Variants in RALGPS2 observed in about 807,000 individuals in gnomAD.
The protein encoded by RALGPS2 is ras-specific guanine nucleotide-releasing factor RalGPS2.
Under a neutral mutation model 86.8 loss-of-function variants are expected in RALGPS2, and 43 were observed. The ratio of observed to expected loss-of-function variants is 0.50; its 90% CI spans 0.39 to 0.64. The LOEUF (loss-of-function observed/expected upper bound fraction) is 0.64. Among genes scored for constraint, RALGPS2 ranks in the 30% least tolerant of loss-of-function variants. RALGPS2 has a pLI of 0.00. For synonymous variants in RALGPS2, 243 were observed against 231.3 expected (o/e 1.05, Z -0.46); for missense variants, 536 against 694.6 (o/e 0.77, Z 2.57).
intron 4 of RALGPS2, among the ~76,000 whole-genome samples, chr1:178,805,734 C>T (rs1654710753): frequency 6.6e-6 from 1 of 152,078 alleles, no homozygotes; most frequent in Non-Finnish European, 1.5e-5. Context: ...TTCTCTCCCC[C>T]CATTTATATA....
Position 178,920,542 on chromosome 1 carries a change from A to T in RALGPS2, c.*4183A>T, listed in dbSNP as rs1399421754. ...AGAAACCTCTGTAGGTGATTGTTGC[A>T]GTCTTCCTTGGTTTTTGAGTCTTTT... is the stretch of plus-strand genomic sequence containing the variant. On this transcript the variant is annotated 3_prime_UTR_variant, in exon 20 of 20. Coordinates refer to ENST00000367635, the MANE Select transcript of RALGPS2 (RefSeq NM_152663.5). 6.6e-6 allele frequency: 1 copy of T among 152,004 alleles called. No individual in the cohort carries two copies. The highest frequency in any genetic ancestry group is 1.5e-5 in the Non-Finnish European group (1 of 67,912). The allele number at this position is 152,004 out of a possible 1,614,324, so 9.4% of individuals were successfully genotyped here. A position where few individuals can be genotyped will look rare whatever the true frequency, so the allele number is the denominator to read the frequency against.
At chr1:178,754,878 C>T (rs1651872443) in intron 1 of RALGPS2, among the ~76,000 whole-genome samples, 1 of 152,256 alleles carries the variant, frequency 6.6e-6, no homozygotes. Context: ...CAGTTCACTG[C>T]AACTTCTGCC....
At chr1:178,743,171 C>T (rs1384541501) in intron 1 of RALGPS2, among the ~76,000 whole-genome samples, 1 of 152,202 alleles carries the variant, frequency 6.6e-6, no homozygotes, top group East Asian at 1.9e-4. Context: ...GATTATGCCA[C>T]TGTAGCTTGG....
intron 17 of RALGPS2, among the ~76,000 whole-genome samples, chr1:178,899,585 C>T (rs900333308): frequency 6.6e-6 from 1 of 150,896 alleles, no homozygotes; most frequent in Non-Finnish European, 1.5e-5. Context: ...ATTAAAATCA[C>T]CATTTAAACA....
At chr1:178,745,731 A>G (rs1651278268) in intron 1 of RALGPS2, among the ~76,000 whole-genome samples, 2 of 152,142 alleles carry the variant, frequency 1.3e-5, no homozygotes, top group African/African-American at 4.8e-5. Context: ...TTTAGTTACA[A>G]CACCAAAAGC....
Position 178,725,278 on chromosome 1 carries a change from CGGCG to C in RALGPS2, c.-223_-220del. ...CCCCGAGCGGCAGCGGCGGCGGCGG[CGGCG>C]GCTGCTGCGGGCGCTGAATGAGAGA... On this transcript the variant is annotated 5_prime_UTR_variant, in exon 1 of 20. Coordinates refer to ENST00000367635, the MANE Select transcript of RALGPS2 (RefSeq NM_152663.5). 2 of 176,022 alleles carry C rather than the reference CGGCG, an allele frequency of 1.1e-5. No homozygotes were observed. The highest frequency in any genetic ancestry group is 1.3e-4 in the South Asian group (1 of 7,626). The allele number at this position is 176,022 out of a possible 1,614,324, so 10.9% of individuals were successfully genotyped here. A position where few individuals can be genotyped will look rare whatever the true frequency, so the allele number is the denominator to read the frequency against.
chr1:178,855,394 G>A (rs1657465731), intron 8 of RALGPS2, among the ~76,000 whole-genome samples: 2 of 151,146 alleles, frequency 1.3e-5, no homozygotes, highest in Non-Finnish European at 3.0e-5. Context: ...TAAATACAAG[G>A]AAATTGAAAA....
At chr1:178,793,282 C>G (rs1572338419) in intron 4 of RALGPS2, among the ~76,000 whole-genome samples, 1 of 151,390 alleles carries the variant, frequency 6.6e-6, no homozygotes, top group African/African-American at 2.4e-5. Flanking sequence ...ACTGGTTGAT[C>G]TTTAAAATAC....
intron 18 of RALGPS2, among the ~76,000 whole-genome samples, chr1:178,904,386 T>C (rs1660307410): frequency 6.6e-6 from 1 of 152,230 alleles, no homozygotes; most frequent in African/African-American, 2.4e-5. Flanking sequence ...TTTGTTTTTA[T>C]TGCATTTGCT....
chr1:178,731,919 A>G (rs1650389125), intron 1 of RALGPS2, among the ~76,000 whole-genome samples: 2 of 152,088 alleles, frequency 1.3e-5, no homozygotes, highest in Admixed American at 1.3e-4. Flanking sequence ...AATCAAGCAT[A>G]AGCAGTGTGG....
intron 6 of RALGPS2, among the ~76,000 whole-genome samples, chr1:178,812,146 G>A (rs1655014825): frequency 6.6e-6 from 1 of 152,100 alleles, no homozygotes; most frequent in South Asian, 2.1e-4. Flanking sequence ...CTCAAAGCAG[G>A]GCCAAATGGT....
At chr1:178,874,643 G>A (rs530897209) in intron 8 of RALGPS2, among the ~76,000 whole-genome samples, 1 of 152,226 alleles carries the variant, frequency 6.6e-6, no homozygotes, top group East Asian at 1.9e-4. Flanking sequence ...ATCTTCTATT[G>A]CTGTTATTGA....
At chr1:178,786,504 G>T (rs757946815) in intron 4 of RALGPS2, among the ~76,000 whole-genome samples, 9 of 151,948 alleles carry the variant, frequency 5.9e-5, no homozygotes, top group Admixed American at 1.3e-4. Flanking sequence ...TCCACTATAA[G>T]CATGGGGGTG....
chr1:178,838,105 A>G (rs551313425), intron 8 of RALGPS2, among the ~76,000 whole-genome samples: 2 of 152,332 alleles, frequency 1.3e-5, no homozygotes, highest in South Asian at 2.1e-4. Flanking sequence ...TCTGCAGGGC[A>G]TAGCTGAACA....
rs763667566 is a variant in RALGPS2, at chr1:178,833,549, A to G, written c.606A>G (p.Leu202=). 28 of 1,528,076 alleles carry G rather than the reference A, an allele frequency of 1.8e-5. No individual in the cohort carries two copies. The highest frequency in any genetic ancestry group is 2.3e-5 in the Non-Finnish European group (27 of 1,149,766). 94.7% of individuals were successfully genotyped at this position (1,528,076 alleles called of 1,614,324 possible). ...AGATGACACCTTGCATTCCCTATTT[A>G]GGTGAGTTATGTCACTGTGTGTTTT... is the stretch of plus-strand genomic sequence containing the variant. ...SLKMTPCIPY[L]GIYLSDLTYI... Residue 202 remains leucine (L), a splice_region_variant and synonymous_variant, in exon 8 of 20, where the codon TTA becomes TTG. Transcript: ENST00000367635.
chr1:178,914,931 T>C (rs1253612956), intron 19 of RALGPS2, among the ~76,000 whole-genome samples: 1 of 152,212 alleles, frequency 6.6e-6, no homozygotes, highest in African/African-American at 2.4e-5. Context: ...TTAAATGTAA[T>C]TTAGGGTATT....
chr1:178,788,823 C>G (rs558541465), intron 4 of RALGPS2, among the ~76,000 whole-genome samples: 68 of 128,448 alleles, frequency 5.3e-4, no homozygotes, highest in South Asian at 1.8e-3. Context: ...CTTTTCTTTT[C>G]TTTTGTTTTC....
At chr1:178,837,964 G>A (rs1403221509) in intron 8 of RALGPS2, among the ~76,000 whole-genome samples, 3 of 152,184 alleles carry the variant, frequency 2.0e-5, no homozygotes, top group Admixed American at 6.5e-5. Flanking sequence ...ATTGCAAGGC[G>A]GCAGCGAGGC....
chr1:178,884,738 T>A (rs901236216), intron 11 of RALGPS2, among the ~76,000 whole-genome samples: 4 of 152,134 alleles, frequency 2.6e-5, no homozygotes, highest in African/African-American at 9.7e-5. Context: ...ATGTATAAAA[T>A]TAAAAGAGCA....
Sources: allele counts gnomAD v4.1 joint callset (sites outside exome capture counted in the v4.1 genomes callset), GRCh38; gene constraint gnomAD v4.1.1; transcripts MANE v1.5; gene names NCBI Gene and HGNC (gene_info 2026-07-23, HGNC 2026-07-21).